CCDC171: variants seen among roughly 807,000 people sequenced by gnomAD.
The protein encoded by CCDC171 is coiled-coil domain-containing protein 171.
CCDC171 carries 177 observed loss-of-function variants against 168.2 expected under a neutral mutation model. The ratio of observed to expected loss-of-function variants is 1.05; its 90% confidence interval spans 0.93 to 1.19. The LOEUF (loss-of-function observed/expected upper bound fraction) is 1.19. Among genes scored for constraint, CCDC171 ranks in the 50% most tolerant of loss-of-function variants. The pLI, the probability that CCDC171 is intolerant of heterozygous loss-of-function variation, is 0.00. For synonymous variants in CCDC171, 687 were observed against 540.8 expected, an observed-to-expected ratio of 1.27 and a Z score of -3.75; for missense variants, 1,991 against 1,539.0, an observed-to-expected ratio of 1.29 and a Z score of -4.91.
At chr9:15,673,652 A>G (rs2049294852) in intron 9 of CCDC171, among the ~76,000 whole-genome samples, 1 of 152,206 alleles carries the variant, frequency 6.6e-6, no homozygotes, top group South Asian at 2.1e-4. Flanking sequence ...GATTACATTT[A>G]TTCATTTGCA....
At chr9:15,894,887 C>G (rs1016350211) in intron 24 of CCDC171, among the ~76,000 whole-genome samples, 4 of 152,114 alleles carry the variant, frequency 2.6e-5, no homozygotes, top group African/African-American at 9.7e-5. Flanking sequence ...AATGTAAGAT[C>G]CAACAGGGCA....
chr9:15,632,648 C>A (rs2045823605), intron 7 of CCDC171, among the ~76,000 whole-genome samples: 1 of 152,178 alleles, frequency 6.6e-6, no homozygotes, highest in Non-Finnish European at 1.5e-5. Context: ...CAATGACTTT[C>A]TTCACAGAAT....
chr9:15,906,345 C>T (rs1404579785), intron 24 of CCDC171, among the ~76,000 whole-genome samples: 1 of 152,150 alleles, frequency 6.6e-6, no homozygotes, highest in African/African-American at 2.4e-5. Context: ...GGGCTTCATC[C>T]CTGGGATGCA....
rs139439648 is a variant in CCDC171 at position 15,743,950 on chromosome 9, A to G, written c.2050-323A>G. Among the ~76,000 whole-genome samples the G allele has an allele frequency of 6.6e-3, 1,002 of 152,320 alleles. 19 individuals are homozygous for G. The highest frequency in any genetic ancestry group is 0.023 in the African/African-American group (945 of 41,570). ...GTGGAAGAAGAGAAATTATACAGAGAAAGCATATTTTTCTTTTCTAAATTT... is the reference window on the plus strand; with the variant it reads ...GTGGAAGAAGAGAAATTATACAGAGGAAGCATATTTTTCTTTTCTAAATTT... On this transcript the variant is annotated intron_variant, in intron 16 of 25. Coordinates refer to ENST00000380701, the MANE Select transcript of CCDC171 (RefSeq NM_173550.4).
intron 21 of CCDC171, among the ~76,000 whole-genome samples, chr9:15,826,732 T>C (rs7032457): frequency 0.44 from 67,326 of 152,046 alleles, 15,110 homozygotes; most frequent in African/African-American, 0.47. Context: ...TGACTTCATA[T>C]ACCAGCCTTC....
At chr9:15,882,384 G>A (rs1019561559) in intron 24 of CCDC171, among the ~76,000 whole-genome samples, 5 of 152,190 alleles carry the variant, frequency 3.3e-5, no homozygotes, top group Non-Finnish European at 5.9e-5. Context: ...CTCCCATGCT[G>A]TGGGTTGTCT....
At position 15,898,939 on chromosome 9, in the gene CCDC171, CT is replaced by C. The variant is rs574774833; in HGVS notation, c.3601-21330del. ...CAGAAAGGTACCAACAAAATTCTCTCTCAAGTAACCAGTTTATGGACATATC... is the reference window on the plus strand; with the variant it reads ...CAGAAAGGTACCAACAAAATTCTCTCCAAGTAACCAGTTTATGGACATATC... On this transcript the variant is annotated intron_variant, in intron 24 of 25. Transcript: ENST00000380701. Among the ~76,000 whole-genome samples, 177 of 152,298 alleles carry C rather than the reference CT, an allele frequency of 1.2e-3. 1 individual carries two copies. The highest frequency in any genetic ancestry group is 1.8e-4 in the Non-Finnish European group (12 of 68,018).
intron 25 of CCDC171, among the ~76,000 whole-genome samples, chr9:15,949,389 T>C (rs1589220724): frequency 6.6e-6 from 1 of 152,224 alleles, no homozygotes; most frequent in Admixed American, 6.5e-5. Context: ...GGGTATGGCA[T>C]TGAATCTCTA....
intron 23 of CCDC171, among the ~76,000 whole-genome samples, chr9:15,868,961 A>G (rs1022140471): frequency 3.7e-4 from 57 of 152,172 alleles, no homozygotes; most frequent in African/African-American, 1.3e-3. Flanking sequence ...TAATCTATGC[A>G]CATCCTTCTG....
intron 3 of CCDC171, among the ~76,000 whole-genome samples, chr9:15,981,968 C>T (rs1831810034): frequency 6.6e-6 from 1 of 152,152 alleles, no homozygotes; most frequent in Admixed American, 6.5e-5. Context: ...CTTTCAATAA[C>T]TGAAAAGGCT....
chr9:16,022,336 G>T (rs1833190094), exon 5 of CCDC171: 1 of 152,190 alleles, frequency 6.6e-6, no homozygotes, highest in Non-Finnish European at 1.5e-5. Flanking sequence ...AAACAGGATG[G>T]TATTATCATG....
chr9:15,610,015 A>G (rs986284948), intron 6 of CCDC171, among the ~76,000 whole-genome samples: 3 of 151,904 alleles, frequency 2.0e-5, no homozygotes, highest in African/African-American at 7.3e-5. Context: ...TCTCAATTTT[A>G]TATTGCAGCC....
At chr9:16,092,037 G>C in the CCDC171 span, among the ~76,000 whole-genome samples, 1 of 152,184 alleles carries the variant, frequency 6.6e-6, no homozygotes, top group Admixed American at 6.5e-5. Flanking sequence ...CCAGGTCTAA[G>C]TGGTACATTT....
intron 21 of CCDC171, among the ~76,000 whole-genome samples, chr9:15,810,394 C>T (rs1019503530): frequency 1.3e-5 from 2 of 152,102 alleles, no homozygotes; most frequent in Non-Finnish European, 2.9e-5. Context: ...ACACTGTGTG[C>T]CTGCACTCCT....
chr9:15,793,003 G>C (rs1398985532), intron 21 of CCDC171, among the ~76,000 whole-genome samples: 1 of 152,130 alleles, frequency 6.6e-6, no homozygotes, highest in Non-Finnish European at 1.5e-5. Context: ...TGGGCTAAAT[G>C]CTCCAATTAA....
At chr9:15,575,019 G>C (rs965530036) in intron 3 of CCDC171, among the ~76,000 whole-genome samples, 12 of 152,050 alleles carry the variant, frequency 7.9e-5, no homozygotes, top group African/African-American at 2.9e-4. Flanking sequence ...TCATTTGAGC[G>C]TAACAATACT....
intron 6 of CCDC171, among the ~76,000 whole-genome samples, chr9:16,032,935 T>G (rs1228871457): frequency 6.6e-6 from 1 of 152,192 alleles, no homozygotes; most frequent in African/African-American, 2.4e-5. Flanking sequence ...AAAAGCCTTC[T>G]GTCTTAGTAA....
intron 23 of CCDC171, among the ~76,000 whole-genome samples, chr9:15,870,132 TG>T (rs34062954): frequency 0.75 from 114,014 of 151,536 alleles, 44,585 homozygotes; most frequent in East Asian, 0.89. Context: ...TAATAGACAG[TG>T]GGCTGGATTT....
intron 25 of CCDC171, among the ~76,000 whole-genome samples, chr9:15,970,885 T>C (rs1309531141): frequency 6.6e-6 from 1 of 152,188 alleles, no homozygotes; most frequent in African/African-American, 2.4e-5. Context: ...GTTGAAGAAC[T>C]ACCAGTCGGG....
Sources: gnomAD v4.1 joint callset for allele counts (sites outside exome capture counted in the v4.1 genomes callset) on GRCh38, gnomAD v4.1.1 for gene constraint, MANE v1.5 for transcripts, NCBI Gene and HGNC (gene_info 2026-07-23, HGNC 2026-07-21) for gene names.